Variants in SLC9A8 observed in about 807,000 individuals in gnomAD.
SLC9A8 encodes sodium/hydrogen exchanger 8.
Under a neutral mutation model 66.6 loss-of-function variants are expected in SLC9A8, and 48 were observed. The ratio of observed to expected loss-of-function variants is 0.72; its 90% CI spans 0.57 to 0.92. SLC9A8 has a LOEUF of 0.92. Ranked by LOEUF, SLC9A8 falls within the 40% of genes least tolerant of loss-of-function variation. The pLI, the probability that SLC9A8 is intolerant of heterozygous loss-of-function variation, is 0.00. For synonymous variants in SLC9A8, 274 were observed against 282.6 expected (o/e 0.97, Z 0.31); for missense variants, 599 against 747.3 (o/e 0.80, Z 2.31).
chr20:49,841,672 C>T (rs1044632412), intron 4 of SLC9A8, among the ~76,000 whole-genome samples: 3 of 152,088 alleles, frequency 2.0e-5, no homozygotes, highest in African/African-American at 7.2e-5. Context: ...CTCACTGCAA[C>T]CTCTGCCTCC....
At position 49,884,276 on chromosome 20, in the gene SLC9A8, C is replaced by CG. The variant is rs2089781171; in HGVS notation, c.1491+210_1491+211insG. ...ACACACACGACACACACACACACGA[C>CG]ACACACACACACGACACACACACAC... On this transcript the variant is annotated intron_variant, in intron 14 of 15. Coordinates refer to ENST00000361573, the MANE Select transcript of SLC9A8 (RefSeq NM_015266.3). The CG allele has an allele frequency of 3.6e-4, 58 of 159,102 alleles. 2 individuals carry two copies. The highest frequency in any genetic ancestry group is 1.6e-3 in the Middle Eastern group (1 of 610). The allele number at this position is 159,102 out of a possible 1,614,324, so 9.9% of individuals were successfully genotyped here.
At chr20:49,885,664 T>G (rs2089862392) in intron 14 of SLC9A8, among the ~76,000 whole-genome samples, 1 of 152,238 alleles carries the variant, frequency 6.6e-6, no homozygotes, top group African/African-American at 2.4e-5. Context: ...CCGCTGAGTT[T>G]CTGGAATGTT....
intron 8 of SLC9A8, 127 bp downstream of exon 8, chr20:49,855,708 C>T: frequency 1.2e-6 from 1 of 833,466 alleles, no homozygotes; most frequent in Non-Finnish European, 1.8e-6. Context: ...AGTTCACCCA[C>T]TCTCTTTCTC....
chr20:49,817,448 G>A (rs2086591916), intron 2 of SLC9A8, among the ~76,000 whole-genome samples: 1 of 149,568 alleles, frequency 6.7e-6, no homozygotes, highest in Non-Finnish European at 1.5e-5. Context: ...GTTAAAAGGT[G>A]CAACTGTTTT....
At chr20:49,843,669 A>G (rs1012154110) in intron 4 of SLC9A8, among the ~76,000 whole-genome samples, 4 of 152,240 alleles carry the variant, frequency 2.6e-5, no homozygotes, top group African/African-American at 9.6e-5. Context: ...TAATATAGAA[A>G]ATGAAATTGT....
intron 5 of SLC9A8, among the ~76,000 whole-genome samples, chr20:49,846,973 A>G (rs1206628325): frequency 2.0e-5 from 3 of 152,216 alleles, no homozygotes; most frequent in Non-Finnish European, 4.4e-5. Context: ...ATGGTATAAA[A>G]TAAATAAATA....
intron 8 of SLC9A8, among the ~76,000 whole-genome samples, chr20:49,859,807 G>C (rs1252483245): frequency 6.6e-6 from 1 of 152,174 alleles, no homozygotes; most frequent in African/African-American, 2.4e-5. Context: ...TCCAGCTACA[G>C]CTTAAGCTCA....
At chr20:49,823,576 G>T (rs1023083996) in intron 3 of SLC9A8, among the ~76,000 whole-genome samples, 9 of 152,174 alleles carry the variant, frequency 5.9e-5, no homozygotes, top group Non-Finnish European at 8.8e-5. Context: ...CTTAATGCCA[G>T]AGTCAGGTCT....
intron 14 of SLC9A8, chr20:49,884,289 G>GCGCGCGCGCACACAC (rs1255789032): frequency 2.7e-5 from 1 of 36,862 alleles, no homozygotes; most frequent in Non-Finnish European, 5.6e-5. Flanking sequence ...ACACACACAC[G>GCGCGCGCGCACACAC]ACACACACAC....
intron 3 of SLC9A8, chr20:49,829,496 CTGGGCAACAGAG>C (rs2087079318): frequency 4.0e-6 from 1 of 248,172 alleles, no homozygotes; most frequent in Admixed American, 5.3e-5. Flanking sequence ...GCACTCCAAC[CTGGGCAACAGAG>C]TGAGACTCCA....
chr20:49,877,186 T>G (rs1040777646), intron 11 of SLC9A8, among the ~76,000 whole-genome samples: 14 of 150,728 alleles, frequency 9.3e-5, no homozygotes, highest in African/African-American at 3.4e-4. Flanking sequence ...CCCAGCTGCT[T>G]GGGAGGCTGA....
At chr20:49,819,417 C>T (rs1568787035) in intron 2 of SLC9A8, among the ~76,000 whole-genome samples, 2 of 152,124 alleles carry the variant, frequency 1.3e-5, no homozygotes, top group African/African-American at 4.8e-5. Flanking sequence ...ACAAATAATA[C>T]ATGTTTGGAG....
rs74816371 is a variant in SLC9A8 at position 49,887,993 on chromosome 20, G to C, written c.*57G>C. ...CCAGGATGGGCGTTTGCTGCGCACA[G>C]ACACTCAGCAGGGGCCTCGCAGAGA... On this transcript the variant is annotated 3_prime_UTR_variant, in exon 16 of 16. Coordinates refer to ENST00000361573, the MANE Select transcript of SLC9A8 (RefSeq NM_015266.3). The C allele has an allele frequency of 6.9e-5, 95 of 1,373,662 alleles. No individual in the cohort carries two copies. The African/African-American group carries it at 1.3e-3, about 19-fold the overall frequency. 85.1% of individuals were successfully genotyped at this position (1,373,662 alleles called of 1,614,324 possible). A position where few individuals can be genotyped will look rare whatever the true frequency, so the allele number is the denominator to read the frequency against.
rs556596255 is a variant in SLC9A8 at position 49,863,003 on chromosome 20, A to G, written c.788A>G (p.Tyr263Cys). ...CAAACATTTTTACAAGCCCTTGACT[A>G]CTTCCTCAAAATGTTCTTTGGCTCT... Reference protein sequence around the residue: ...GWQTFLQALDYFLKMFFGSAA... With the variant: ...GWQTFLQALDCFLKMFFGSAA... Residue 263 changes from tyrosine (Y) to cysteine (C), a missense_variant, in exon 9 of 16, where the codon TAC becomes TGC. Physicochemically the swap from Tyr to Cys is radical, Grantham distance 194. Coordinates refer to ENST00000361573, the MANE Select transcript of SLC9A8 (RefSeq NM_015266.3). 6.2e-7 allele frequency: 1 copy of G among 1,613,748 alleles called. No homozygotes were observed. Among genetic ancestry groups the G allele is most frequent in the Non-Finnish European group, 8.5e-7 (1 of 1,179,638 alleles).
intron 13 of SLC9A8, among the ~76,000 whole-genome samples, 166 bp downstream of exon 13, chr20:49,881,201 G>A (rs2089614664): frequency 1.3e-5 from 2 of 152,202 alleles, no homozygotes; most frequent in Admixed American, 1.3e-4. Context: ...TCACCATGGT[G>A]CTATGAAGTG....
At chr20:49,835,189 G>GAT in intron 3 of SLC9A8, among the ~76,000 whole-genome samples, 1 of 72,910 alleles carries the variant, frequency 1.4e-5, no homozygotes, top group South Asian at 2.9e-4. Context: ...AGATAGTCTG[G>GAT]GTTTGTTTTT....
chr20:49,862,680 G>A (rs1283804545), intron 8 of SLC9A8, among the ~76,000 whole-genome samples: 1 of 152,138 alleles, frequency 6.6e-6, no homozygotes. Context: ...TGTTCATCTT[G>A]TTTTTCTCCC....
intron 9 of SLC9A8, among the ~76,000 whole-genome samples, 198 bp downstream of exon 9, chr20:49,863,265 A>G (rs1282580184): frequency 6.6e-6 from 1 of 152,222 alleles, no homozygotes; most frequent in Non-Finnish European, 1.5e-5. Context: ...TTAGGATGTC[A>G]CTTTTCAAAG....
At position 49,884,265 on chromosome 20, in the gene SLC9A8, C is replaced by CACGAG. The variant is rs1568883846; in HGVS notation, c.1491+201_1491+202insGAGAC. 87 of 334,306 alleles carry CACGAG rather than the reference C, an allele frequency of 2.6e-4. 2 individuals are homozygous for CACGAG. The highest frequency in any genetic ancestry group is 4.2e-4 in the South Asian group (18 of 42,434). 20.7% of individuals were successfully genotyped at this position (334,306 alleles called of 1,614,324 possible). A position where few individuals can be genotyped will look rare whatever the true frequency, so the allele number is the denominator to read the frequency against. ...ACGACACACACACACACACGACACA[C>CACGAG]ACACACACGACACACACACACACGA... is the stretch of plus-strand genomic sequence containing the variant. On this transcript the variant is annotated intron_variant, in intron 14 of 15. Transcript: ENST00000361573.
Sources: gnomAD v4.1 joint callset for allele counts (sites outside exome capture counted in the v4.1 genomes callset) on GRCh38, gnomAD v4.1.1 for gene constraint, MANE v1.5 for transcripts, NCBI Gene and HGNC (gene_info 2026-07-23, HGNC 2026-07-21) for gene names.